Variants in PRSS12 observed in about 807,000 individuals in gnomAD.
PRSS12 encodes the protein neurotrypsin.
Under a neutral mutation model 104.4 loss-of-function variants are expected in PRSS12, and 85 were observed. That is an observed-to-expected ratio of 0.81 (90% CI 0.68 to 0.98). PRSS12 has a LOEUF of 0.98. Ranked by LOEUF, PRSS12 falls within the 50% of genes least tolerant of loss-of-function variation. The pLI, the probability that PRSS12 is intolerant of heterozygous loss-of-function variation, is 0.00. For synonymous variants in PRSS12, 454 were observed against 425.2 expected, an observed-to-expected ratio of 1.07 and a Z score of -0.83; for missense variants, 1,141 against 1,139.2, an observed-to-expected ratio of 1.00 and a Z score of -0.02.
intron 1 of PRSS12, 139 bp from the exon 2 acceptor site, chr4:118,338,453 G>T (rs758943207): frequency 7.3e-6 from 8 of 1,093,460 alleles, no homozygotes; most frequent in East Asian, 2.6e-5. Flanking sequence ...ACTGTGTGTG[G>T]CATGTGTTTC....
intron 8 of PRSS12, among the ~76,000 whole-genome samples, chr4:118,301,614 C>A (rs369377449): frequency 6.6e-6 from 1 of 152,088 alleles, no homozygotes. Flanking sequence ...GATTGCGGTA[C>A]ATCTCTTCAT....
In PRSS12 at chr4:118,282,221, T is replaced by C. The variant is rs761896102; in HGVS notation, c.2343A>G (p.Leu781=). The C allele has an allele frequency of 6.2e-7, 1 of 1,614,108 alleles. No homozygotes were observed. Among genetic ancestry groups the C allele is most frequent in the African/African-American group, 1.3e-5 (1 of 74,936 alleles). ...GAAGTAAGGGAATGGCTGCTTGTTGTAGTGTTCTTGAATAGGCTCGTCCTA... is the reference window on the plus strand; with the variant it reads ...GAAGTAAGGGAATGGCTGCTTGTTGCAGTGTTCTTGAATAGGCTCGTCCTA... ...GDTGRAYSRT[L]QQAAIPLLPK... is the part of the protein sequence containing the mutation. Residue 781 remains leucine, a synonymous_variant, in exon 13 of 13, where the codon CTA becomes CTG. Transcript: ENST00000296498.
intron 4 of PRSS12, among the ~76,000 whole-genome samples, chr4:118,329,084 G>T (rs1319040981): frequency 6.6e-6 from 1 of 152,086 alleles, no homozygotes; most frequent in African/African-American, 2.4e-5. Context: ...GAGCCACCGT[G>T]CCCAGCCTAT....
chr4:118,290,345 G>A (rs908882174), intron 11 of PRSS12, among the ~76,000 whole-genome samples: 3 of 152,150 alleles, frequency 2.0e-5, no homozygotes, highest in Admixed American at 6.5e-5. Flanking sequence ...TCCTATGACT[G>A]TAACTTTTGG....
At chr4:118,336,457 T>C (rs1246935571) in intron 2 of PRSS12, among the ~76,000 whole-genome samples, 1 of 152,206 alleles carries the variant, frequency 6.6e-6, no homozygotes, top group African/African-American at 2.4e-5. Flanking sequence ...GTCTCCATGC[T>C]GCAGCATTCC....
intron 1 of PRSS12, among the ~76,000 whole-genome samples, chr4:118,342,530 C>T (rs1408789300): frequency 6.6e-6 from 1 of 152,032 alleles, no homozygotes; most frequent in Non-Finnish European, 1.5e-5. Flanking sequence ...CTTTAAAATG[C>T]GTTAAGAATA....
intron 12 of PRSS12, 54 bp downstream of exon 12, chr4:118,282,777 T>G: frequency 6.2e-7 from 1 of 1,609,842 alleles, no homozygotes; most frequent in Non-Finnish European, 8.5e-7. Flanking sequence ...CACCCAAATA[T>G]ATGGATAATA....
intron 6 of PRSS12, among the ~76,000 whole-genome samples, chr4:118,315,281 C>G (rs934427618): frequency 2.6e-5 from 4 of 151,914 alleles, no homozygotes; most frequent in African/African-American, 9.7e-5. Context: ...GTTATCTACC[C>G]AAATTATAAT....
In PRSS12 at chr4:118,330,651, T is replaced by C. The variant is rs115641498; in HGVS notation, c.971+1065A>G. On this transcript the variant is annotated intron_variant, in intron 4 of 12. Transcript: ENST00000296498. ...ACACTGTAGGGGCAACTCTGAAAAT[T>C]TGAATAAGATGAAGTATTAGACAAT... is the stretch of plus-strand genomic sequence containing the variant. Among the ~76,000 whole-genome samples, 668 of 152,230 alleles carry C rather than the reference T, an allele frequency of 4.4e-3. 7 individuals are homozygous for C. The highest frequency in any genetic ancestry group is 0.015 in the African/African-American group (640 of 41,528).
chr4:118,289,842 G>A (rs1250850222), intron 11 of PRSS12, among the ~76,000 whole-genome samples: 2 of 152,120 alleles, frequency 1.3e-5, no homozygotes, highest in Non-Finnish European at 2.9e-5. Context: ...AAAGAATCTT[G>A]TATTATAGCC....
At chr4:118,285,950 G>A (rs1050905696) in intron 11 of PRSS12, among the ~76,000 whole-genome samples, 19 of 151,952 alleles carry the variant, frequency 1.3e-4, no homozygotes, top group South Asian at 8.3e-4. Flanking sequence ...AATCTATTCC[G>A]CATTATCTAT....
At chr4:118,309,648 GA>G (rs1394076999) in intron 7 of PRSS12, among the ~76,000 whole-genome samples, 1 of 152,132 alleles carries the variant, frequency 6.6e-6, no homozygotes, top group Admixed American at 6.5e-5. Context: ...TCACACATCT[GA>G]TTACCTAGTT....
In PRSS12 at chr4:118,329,804, T is replaced by C. The variant is rs145399544; in HGVS notation, c.971+1912A>G. On this transcript the variant is annotated intron_variant, in intron 4 of 12. Coordinates refer to ENST00000296498, the MANE Select transcript of PRSS12 (RefSeq NM_003619.4). Reference sequence around the variant, plus strand: ...AGAAAACTGCAACTAAGAGATATTCTGTAGCTTTTCGCAACTCCAAAAATG... The same window carrying C: ...AGAAAACTGCAACTAAGAGATATTCCGTAGCTTTTCGCAACTCCAAAAATG... Among the ~76,000 whole-genome samples, 11 of 152,312 alleles carry C rather than the reference T, an allele frequency of 7.2e-5. No individual in the cohort carries two copies. In the East Asian group the frequency reaches 2.1e-3, roughly 29 times the overall value.
In PRSS12 at chr4:118,280,924, G is replaced by A. The variant is rs887400599; in HGVS notation, c.*1012C>T. On this transcript the variant is annotated 3_prime_UTR_variant, in exon 13 of 13. Coordinates refer to ENST00000296498, the MANE Select transcript of PRSS12 (RefSeq NM_003619.4). ...AAGATTTACTGGCCTTTTGCAAATT[G>A]TCAGTGATGTGCAAAGCTGCCTAAT... 1.3e-5 allele frequency: 2 copies of A among 152,230 alleles called. No individual in the cohort carries two copies. The highest frequency in any genetic ancestry group is 4.8e-5 in the African/African-American group (2 of 41,448). The allele number at this position is 152,230 out of a possible 1,614,324, so 9.4% of individuals were successfully genotyped here.
chr4:118,336,179 A>G (rs1408881321), intron 2 of PRSS12, among the ~76,000 whole-genome samples: 1 of 152,212 alleles, frequency 6.6e-6, no homozygotes, highest in Non-Finnish European at 1.5e-5. Context: ...GAGGCAATCC[A>G]TTTATAATTT....
intron 4 of PRSS12, among the ~76,000 whole-genome samples, chr4:118,328,062 A>G (rs1723822766): frequency 6.6e-6 from 1 of 152,236 alleles, no homozygotes; most frequent in African/African-American, 2.4e-5. Flanking sequence ...AATTGAGACA[A>G]GCAACAATTA....
chr4:118,352,988 A>C lies in PRSS12; in HGVS notation c.-268T>G. 1.2e-6 allele frequency: 1 copy of C among 816,772 alleles called. No individual in the cohort carries two copies. The highest frequency in any genetic ancestry group is 1.7e-6 in the Non-Finnish European group (1 of 588,756). The allele number at this position is 816,772 out of a possible 1,614,324, so 50.6% of individuals were successfully genotyped here. On this transcript the variant is annotated 5_prime_UTR_variant, in exon 1 of 13. Transcript: ENST00000296498. The stretch of plus-strand genomic sequence containing the variant: ...GCCGGCGGAGAGGACCGGAAAAGAG[A>C]AGGCGCGGACGCAGCGGGGAGCGGT...
intron 4 of PRSS12, 28 bp downstream of exon 4, chr4:118,331,688 A>C: frequency 1.9e-6 from 3 of 1,613,882 alleles, no homozygotes; most frequent in Non-Finnish European, 2.5e-6. Context: ...TCAAAAGTTT[A>C]AGCAAAACAA....
chr4:118,285,843 CT>C (rs1450723734), intron 11 of PRSS12, among the ~76,000 whole-genome samples: 1 of 151,790 alleles, frequency 6.6e-6, no homozygotes, highest in African/African-American at 2.4e-5. Context: ...CAAGATTTCA[CT>C]CTGTTTTAAG....
Sources: gnomAD v4.1 joint callset for allele counts (sites outside exome capture counted in the v4.1 genomes callset) on GRCh38, gnomAD v4.1.1 for gene constraint, MANE v1.5 for transcripts, NCBI Gene and HGNC (gene_info 2026-07-23, HGNC 2026-07-21) for gene names.